The following ABCA13 variants were observed in gnomAD, a reference collection of about 807,000 sequenced individuals.
ABCA13 encodes ATP binding cassette subfamily A member 13.
Under a neutral mutation model 478.7 loss-of-function variants are expected in ABCA13, and 476 were observed. That is an observed-to-expected ratio of 0.99 (90% CI 0.92 to 1.07). The LOEUF is 1.07. Ranked by LOEUF, ABCA13 falls within the 50% of genes least tolerant of loss-of-function variation. The probability of loss-of-function intolerance (pLI) is 0.00; values close to 1 mark genes in which losing one functional copy is unlikely to be tolerated. For synonymous variants in ABCA13, 2,252 were observed against 2,158.9 expected (o/e 1.04, Z -1.20); for missense variants, 6,060 against 5,910.6 (o/e 1.03, Z -0.83).
rs896683100 is a variant in ABCA13 at position 48,225,218 on chromosome 7, TTCCC to T, written c.469-2026_469-2023del. Among the ~76,000 whole-genome samples, 395 of 148,742 alleles carry T rather than the reference TTCCC, an allele frequency of 2.7e-3. 3 individuals are homozygous for T. The highest frequency in any genetic ancestry group is 8.2e-3 in the African/African-American group (329 of 40,336). ...TTTGCTTCCTTCTTTACTTCCTTCCTTCCCTCCCTCCCTCCCTCCCTTCCATCTT... is the reference window on the plus strand; with the variant it reads ...TTTGCTTCCTTCTTTACTTCCTTCCTTCCCTCCCTCCCTCCCTTCCATCTT... On this transcript the variant is annotated intron_variant, in intron 5 of 61. Coordinates refer to ENST00000435803, the MANE Select transcript of ABCA13 (RefSeq NM_152701.5).
Position 48,244,679 on chromosome 7 carries a change from G to T in ABCA13, c.1366G>T (p.Ala456Ser). The T allele has an allele frequency of 6.2e-7, 1 of 1,604,638 alleles. No individual in the cohort carries two copies. The highest frequency in any genetic ancestry group is 8.5e-7 in the Non-Finnish European group (1 of 1,174,272). The change falls in exon 11 of 62, where the codon GCT becomes TCT. Residue 456 changes from alanine to serine, a missense_variant. Around this residue, in one of 3 missense-constraint regions of ABCA13, gnomAD observed 4,423 missense variants for 4,309.1 expected, o/e 1.03. Transcript: ENST00000435803. ...QLDGALRNAIAQNLHFVQEVL... is the reference protein window; with the variant it reads ...QLDGALRNAISQNLHFVQEVL... ...TGATGGAGCTCTCAGAAATGCGATA[G>T]CTCAGAATTTACATTTTGTCCAAGG... is the stretch of plus-strand genomic sequence containing the variant.
intron 55 of ABCA13, among the ~76,000 whole-genome samples, chr7:48,570,200 A>G (rs1001989648): frequency 1.3e-5 from 2 of 151,704 alleles, no homozygotes; most frequent in African/African-American, 4.8e-5. Context: ...TATTGTTATA[A>G]GATGTTTTTC....
At position 48,376,447 on chromosome 7, in the gene ABCA13, A is replaced by AG; in HGVS notation, c.11210_11211insG (p.Trp3738MetfsTer3). On this transcript the variant is annotated frameshift_variant, in exon 35 of 62. Transcript: ENST00000435803. LOFTEE classifies it high-confidence loss of function. ...ACCTTTTTCTTCCTGCTAGGGATTC[A>AG]ATGGAATAATATGTACCAGGCTCTG... 6.2e-7 allele frequency: 1 copy of AG among 1,613,288 alleles called. No individual in the cohort carries two copies. The highest frequency in any genetic ancestry group is 8.5e-7 in the Non-Finnish European group (1 of 1,179,664).
At chr7:48,208,535 T>C (rs1785217882) in intron 3 of ABCA13, among the ~76,000 whole-genome samples, 1 of 152,112 alleles carries the variant, frequency 6.6e-6, no homozygotes, top group African/African-American at 2.4e-5. Context: ...TTTGGTTAGG[T>C]TTATTCCTAG....
chr7:48,494,605 G>A (rs1453575167), intron 48 of ABCA13, among the ~76,000 whole-genome samples: 1 of 152,120 alleles, frequency 6.6e-6, no homozygotes, highest in African/African-American at 2.4e-5. Context: ...ATGGAACAAG[G>A]ACTGATCCCC....
intron 51 of ABCA13, among the ~76,000 whole-genome samples, chr7:48,515,636 C>T (rs999035769): frequency 6.6e-6 from 1 of 151,992 alleles, no homozygotes; most frequent in African/African-American, 2.4e-5. Context: ...TCTGCAAATC[C>T]CCATTGTTCT....
At chr7:48,492,957 C>A (rs2130728270) in intron 48 of ABCA13, among the ~76,000 whole-genome samples, 1 of 152,176 alleles carries the variant, frequency 6.6e-6, no homozygotes, top group East Asian at 1.9e-4. Context: ...ACCCGGGAGG[C>A]AGAGGTTGCA....
chr7:48,510,037 G>A (rs7776966), intron 50 of ABCA13, among the ~76,000 whole-genome samples: 27,885 of 152,178 alleles, frequency 0.18, 3,027 homozygotes, highest in African/African-American at 0.29. Flanking sequence ...TACTTGGTCT[G>A]TGTTATTCTG....
At chr7:48,508,921 A>G (rs1831442536) in intron 50 of ABCA13, among the ~76,000 whole-genome samples, 1 of 152,076 alleles carries the variant, frequency 6.6e-6, no homozygotes, top group Admixed American at 6.6e-5. Flanking sequence ...TGTAACTTGG[A>G]TTTTTGTTTT....
At chr7:48,564,389 CA>C (rs1008622529) in intron 55 of ABCA13, among the ~76,000 whole-genome samples, 2 of 151,464 alleles carry the variant, frequency 1.3e-5, no homozygotes, top group Admixed American at 6.6e-5. Context: ...AGCTTATTAA[CA>C]AAAAAATGAA....
At chr7:48,560,566 A>C (rs1275279156) in intron 55 of ABCA13, among the ~76,000 whole-genome samples, 2 of 152,196 alleles carry the variant, frequency 1.3e-5, no homozygotes, top group African/African-American at 4.8e-5. Context: ...GTGTTTCTGC[A>C]GGAGGGACAA....
At position 48,245,883 on chromosome 7, in the gene ABCA13, C is replaced by A. The variant is rs1316575434; in HGVS notation, c.1512C>A (p.Val504=). 1.9e-6 allele frequency: 3 copies of A among 1,613,078 alleles called. No homozygotes were observed. In the African/African-American group the frequency reaches 4.0e-5, roughly 22 times the overall value. The change falls in exon 13 of 62, where the codon GTC becomes GTA. Residue 504 remains valine (V), a synonymous_variant. Coordinates refer to ENST00000435803, the MANE Select transcript of ABCA13 (RefSeq NM_152701.5). ...TTTAGATGTTGGCGAAGAATGCTGT[C>A]TGCCCGAATGGTCGTTTCTCTGAGA... ...ELKQMLAKNA[V]CPNGRFSEKE...
intron 17 of ABCA13, among the ~76,000 whole-genome samples, chr7:48,276,876 A>G (rs575702675): frequency 6.6e-6 from 1 of 152,312 alleles, no homozygotes; most frequent in African/African-American, 2.4e-5. Context: ...ATAGCTGTAC[A>G]TGCATATACA....
At position 48,198,243 on chromosome 7, in the gene ABCA13, TGCAGCCC is replaced by T; in HGVS notation, c.171_177del (p.Leu57PhefsTer57). 6.4e-7 allele frequency: 1 copy of T among 1,566,162 alleles called. No homozygotes were observed. Among genetic ancestry groups the T allele is most frequent in the Non-Finnish European group, 8.6e-7 (1 of 1,157,530 alleles). On this transcript the variant is annotated frameshift_variant, in exon 3 of 62. Transcript: ENST00000435803. LOFTEE classifies it high-confidence loss of function. ...TCTTTGCATCTATTTCTAGGTTATT[TGCAGCCC>T]CGAGATCTACCCAGCTGTGGTGTTA...
chr7:48,215,177 C>T (rs886596186), intron 3 of ABCA13, among the ~76,000 whole-genome samples: 4 of 152,110 alleles, frequency 2.6e-5, no homozygotes, highest in Non-Finnish European at 5.9e-5. Context: ...AGACATGTGA[C>T]TCTTCCTTTC....
chr7:48,438,872 A>T (rs575620194), intron 42 of ABCA13, among the ~76,000 whole-genome samples: 2 of 138,898 alleles, frequency 1.4e-5, no homozygotes, highest in South Asian at 4.6e-4. Flanking sequence ...TGCAGAAGAC[A>T]ATTTTGCTAA....
chr7:48,607,712 A>G (rs1392159151), intron 58 of ABCA13, among the ~76,000 whole-genome samples: 1 of 152,012 alleles, frequency 6.6e-6, no homozygotes, highest in Non-Finnish European at 1.5e-5. Flanking sequence ...CATTTTAGAT[A>G]ATTGTAGCAG....
chr7:48,441,852 G>A (rs17729815), intron 42 of ABCA13, among the ~76,000 whole-genome samples: 15,137 of 152,118 alleles, frequency 0.1, 824 homozygotes, highest in Admixed American at 0.15. Context: ...TAGAGACTGC[G>A]AACTCTAAAT....
chr7:48,554,506 A>G (rs894530051), intron 55 of ABCA13, among the ~76,000 whole-genome samples: 3 of 151,220 alleles, frequency 2.0e-5, no homozygotes, highest in Non-Finnish European at 3.0e-5. Context: ...TCTTTCACCA[A>G]TGTTTTGCCA....
Sources: gnomAD v4.1 joint callset for allele counts (sites outside exome capture counted in the v4.1 genomes callset) on GRCh38, gnomAD v4.1.1 for gene constraint, gnomAD v4.1.1 regional missense constraint, MANE v1.5 for transcripts, NCBI Gene and HGNC (gene_info 2026-07-23, HGNC 2026-07-21) for gene names.